The following SCPEP1 variants were observed in gnomAD, a reference collection of about 807,000 sequenced individuals.
SCPEP1 encodes the protein retinoid-inducible serine carboxypeptidase.
SCPEP1 carries 51 observed loss-of-function variants against 63.8 expected under a neutral mutation model. The observed-to-expected ratio is 0.80, with a 90% CI of 0.64 to 1.01. SCPEP1 has a LOEUF of 1.01. SCPEP1 is among the 50% of genes least tolerant of loss of function. The probability of loss-of-function intolerance (pLI) is 0.00; values close to 1 mark genes in which losing one functional copy is unlikely to be tolerated. For missense variants in SCPEP1, 499 were observed against 554.9 expected, an observed-to-expected ratio of 0.90 and a Z score of 1.01; for synonymous variants, 204 against 207.8, an observed-to-expected ratio of 0.98 and a Z score of 0.16.
intron 2 of SCPEP1, 115 bp from the exon 3 acceptor site, chr17:56,985,263 G>C (rs990799590): frequency 1.3e-6 from 1 of 760,424 alleles, no homozygotes; most frequent in Admixed American, 2.3e-5. Context: ...TGTGTCTTTT[G>C]TGCAAATTGA....
At chr17:56,979,204 G>T (rs753800752) in intron 1 of SCPEP1, among the ~76,000 whole-genome samples, 26 of 152,124 alleles carry the variant, frequency 1.7e-4, no homozygotes, top group Non-Finnish European at 3.4e-4. Flanking sequence ...GCCCAGGCTG[G>T]TCTGGAACTG....
chr17:56,991,140 T>G lies in SCPEP1; in HGVS notation c.588T>G (p.Val196=), dbSNP rs199570804. Residue 196 remains valine (V), a synonymous_variant, in exon 6 of 13, where the codon GTT becomes GTG. Transcript: ENST00000262288. ...RGTIKCNFAG[V]ALGDSWISPV... is the part of the protein sequence containing the mutation. ...CCATCAAGTGCAACTTTGCGGGGGT[T>G]GCCTTGGGTGATTCCTGGATCTCCC... 3 of 1,614,100 alleles carry G rather than the reference T, an allele frequency of 1.9e-6. No homozygotes were observed. In the Admixed American group the frequency reaches 5.0e-5, roughly 27 times the overall value.
chr17:57,000,959 A>G lies in SCPEP1; in HGVS notation c.1099A>G (p.Asn367Asp). Reference sequence around the variant, plus strand: ...GGCAGGGATCAACGTGACGGTGTATAATGGACAGCTGGATCTCATCGTAGA... The same window carrying G: ...GGCAGGGATCAACGTGACGGTGTATGATGGACAGCTGGATCTCATCGTAGA... Reference protein sequence around the residue: ...LEAGINVTVYNGQLDLIVDTM... With the variant: ...LEAGINVTVYDGQLDLIVDTM... Residue 367 changes from asparagine (N) to aspartate (D), a missense_variant, in exon 11 of 13, where the codon AAT becomes GAT. Physicochemically the swap from Asn to Asp is conservative, Grantham distance 23 (BLOSUM62 1). Coordinates refer to ENST00000262288, the MANE Select transcript of SCPEP1 (RefSeq NM_021626.3). The G allele has an allele frequency of 6.2e-7, 1 of 1,614,186 alleles. No homozygotes were observed. The highest frequency in any genetic ancestry group is 1.1e-5 in the South Asian group (1 of 91,084).
At chr17:56,981,693 A>C (rs115091109) in intron 2 of SCPEP1, among the ~76,000 whole-genome samples, 152 of 152,252 alleles carry the variant, frequency 1.0e-3, no homozygotes, top group African/African-American at 3.6e-3. Flanking sequence ...ATGGTAGCAC[A>C]TACCTATAAT....
In SCPEP1 at chr17:57,002,055, A is replaced by G. The variant is rs768584455; in HGVS notation, c.1170A>G (p.Glu390=). Residue 390 remains glutamate, a synonymous_variant, in exon 12 of 13, where the codon GAA becomes GAG. Coordinates refer to ENST00000262288, the MANE Select transcript of SCPEP1 (RefSeq NM_021626.3). ...EAWVRKLKWP[E]LPKFSQLKWK... is the part of the protein sequence containing the mutation. ...GGGTGCGGAAACTGAAGTGGCCAGA[A>G]CTGCCTAAATTCAGTCAGCTGAAGT... The G allele has an allele frequency of 4.3e-6, 7 of 1,614,240 alleles. No homozygotes were observed. The highest frequency in any genetic ancestry group is 2.2e-5 in the South Asian group (2 of 91,086).
intron 3 of SCPEP1, among the ~76,000 whole-genome samples, chr17:56,986,887 T>C (rs1911238518): frequency 6.6e-6 from 1 of 152,224 alleles, no homozygotes; most frequent in Non-Finnish European, 1.5e-5. Flanking sequence ...CTCAGGGTCT[T>C]TGTACATGCT....
chr17:56,990,830 T>C (rs1423367593), intron 5 of SCPEP1, among the ~76,000 whole-genome samples: 1 of 152,030 alleles, frequency 6.6e-6, no homozygotes, highest in African/African-American at 2.4e-5. Flanking sequence ...AGATGGGGTT[T>C]TGCCATGCTG....
rs1467181086 is a variant in SCPEP1 at position 56,995,490 on chromosome 17, C to G, written c.658-17C>G. The G allele has an allele frequency of 1.9e-6, 3 of 1,605,306 alleles. No individual in the cohort carries two copies. Among genetic ancestry groups the G allele is most frequent in the African/African-American group, 1.3e-5 (1 of 74,238 alleles). On this transcript the variant is annotated splice_polypyrimidine_tract_variant and intron_variant, in intron 7 of 12. Transcript: ENST00000262288. Reference sequence around the variant, plus strand: ...CCCAAGTAAAGTGGGTCTTTTTGCTCTTGGTTTGCATTCCAGTCTCTTCTC... The same window carrying G: ...CCCAAGTAAAGTGGGTCTTTTTGCTGTTGGTTTGCATTCCAGTCTCTTCTC...
intron 3 of SCPEP1, among the ~76,000 whole-genome samples, chr17:56,986,421 T>C (rs1433132173): frequency 6.6e-6 from 1 of 152,158 alleles, no homozygotes; most frequent in Non-Finnish European, 1.5e-5. Flanking sequence ...GGTTTTACCA[T>C]GCTGGTCAGG....
chr17:56,986,149 A>G (rs989362868), intron 3 of SCPEP1, among the ~76,000 whole-genome samples: 1 of 151,476 alleles, frequency 6.6e-6, no homozygotes, highest in Non-Finnish European at 1.5e-5. Context: ...ACCTATTGCT[A>G]TGAATGTTCT....
At chr17:56,981,336 T>G in intron 2 of SCPEP1, 106 bp downstream of exon 2, 20 of 1,227,690 alleles carry the variant, frequency 1.6e-5, no homozygotes, top group Non-Finnish European at 2.3e-5. Flanking sequence ...GCGGATTTGG[T>G]CCAGCAGTGT....
At position 56,989,939 on chromosome 17, in the gene SCPEP1, C is replaced by CA. The variant is rs564501652; in HGVS notation, c.547-1149dup. The stretch of plus-strand genomic sequence containing the variant: ...TGGGTGACAGAGCGAGACTCTTTCT[C>CA]AAAAAAAAAAAGAATGGATCTTAGC... On this transcript the variant is annotated intron_variant, in intron 5 of 12. Coordinates refer to ENST00000262288, the MANE Select transcript of SCPEP1 (RefSeq NM_021626.3). 5.6e-4 allele frequency among the ~76,000 whole-genome samples: 80 copies of CA among 142,216 alleles called. 1 individual carries two copies. Among genetic ancestry groups the CA allele is most frequent in the South Asian group, 1.1e-3 (5 of 4,480 alleles). The allele number at this position is 142,216 out of a possible 152,430, so 93.3% of individuals were successfully genotyped here. A position where few individuals can be genotyped will look rare whatever the true frequency, so the allele number is the denominator to read the frequency against.
Position 56,991,120 on chromosome 17 carries a change from A to G in SCPEP1, c.568A>G (p.Lys190Glu). The G allele has an allele frequency of 6.2e-7, 1 of 1,613,972 alleles. No individual in the cohort carries two copies. Among genetic ancestry groups the G allele is most frequent in the Non-Finnish European group, 8.5e-7 (1 of 1,179,894 alleles). Residue 190 changes from lysine to glutamate, a missense_variant, in exon 6 of 13, where the codon AAG becomes GAG. By Grantham distance (56) the Lys-to-Glu change is moderately conservative. Coordinates refer to ENST00000262288, the MANE Select transcript of SCPEP1 (RefSeq NM_021626.3). ...TCAGGCCATTCAGCGAGGGACCATC[A>G]AGTGCAACTTTGCGGGGGTTGCCTT... ...LYKAIQRGTIKCNFAGVALGD... is the reference protein window; with the variant it reads ...LYKAIQRGTIECNFAGVALGD...
chr17:57,002,264 C>T, intron 12 of SCPEP1, 83 bp downstream of exon 12: 1 of 1,405,790 alleles, frequency 7.1e-7, no homozygotes, highest in South Asian at 1.3e-5. Context: ...GTCCACTGCC[C>T]AGGTGGGTCT....
rs182852692 is a variant in SCPEP1 at position 56,987,890 on chromosome 17, A to G, written c.471+40A>G. 2.9e-4 allele frequency: 470 copies of G among 1,606,802 alleles called. 1 individual carries two copies. The African/African-American group carries it at 4.3e-3, about 15-fold the overall frequency. ...AGGAACAGCTAAGTAAAGGGCTGGC[A>G]ATATCAACTCTACATCCATCAGCAT... On this transcript the variant is annotated intron_variant, in intron 4 of 12. Transcript: ENST00000262288.
chr17:56,991,886 C>T (rs996940234), intron 6 of SCPEP1, among the ~76,000 whole-genome samples: 1 of 152,296 alleles, frequency 6.6e-6, no homozygotes, highest in Middle Eastern at 3.4e-3. Flanking sequence ...CTAGTAGCAC[C>T]GCTCCAGTGT....
chr17:56,978,154 C>G lies in SCPEP1; in HGVS notation c.-6C>G. 1 of 1,377,168 alleles carries G rather than the reference C, an allele frequency of 7.3e-7. No homozygotes were observed. 85.3% of individuals were successfully genotyped at this position (1,377,168 alleles called of 1,614,324 possible). A position where few individuals can be genotyped will look rare whatever the true frequency, so the allele number is the denominator to read the frequency against. On this transcript the variant is annotated 5_prime_UTR_variant, in exon 1 of 13. Coordinates refer to ENST00000262288, the MANE Select transcript of SCPEP1 (RefSeq NM_021626.3). ...CTGTTGCTGATGCTGCCGTGCGGTA[C>G]TTGTCATGGAGCTGGCACTGCGGCG...
rs752561404 is a variant in SCPEP1, at chr17:56,991,096, C to T, written c.547-3C>T. On this transcript the variant is annotated splice_region_variant and splice_polypyrimidine_tract_variant and intron_variant, in intron 5 of 12. Coordinates refer to ENST00000262288, the MANE Select transcript of SCPEP1 (RefSeq NM_021626.3). ...TGAGGACGTTTCTTGTTTCCTCTTT[C>T]AGGCCATTCAGCGAGGGACCATCAA... The T allele has an allele frequency of 3.4e-5, 55 of 1,612,800 alleles. No homozygotes were observed. Among genetic ancestry groups the T allele is most frequent in the Non-Finnish European group, 4.2e-5 (50 of 1,178,948 alleles).
chr17:56,998,949 G>A (rs1301241821), intron 10 of SCPEP1, among the ~76,000 whole-genome samples: 2 of 151,918 alleles, frequency 1.3e-5, no homozygotes, highest in Non-Finnish European at 2.9e-5. Flanking sequence ...GAGAAACCCT[G>A]TTTCTTAAAA....
Sources: allele counts gnomAD v4.1 joint callset (sites outside exome capture counted in the v4.1 genomes callset), GRCh38; gene constraint gnomAD v4.1.1; transcripts MANE v1.5; gene names NCBI Gene and HGNC (gene_info 2026-07-23, HGNC 2026-07-21).